The following HMCN1 variants were observed in gnomAD, a reference collection of about 807,000 sequenced individuals.
HMCN1 encodes hemicentin 1.
A neutral mutation model predicts 625.9 loss-of-function variants in HMCN1; 321 were observed. The observed-to-expected ratio is 0.51, with a 90% confidence interval of 0.47 to 0.56. The LOEUF (loss-of-function observed/expected upper bound fraction) is 0.56. Ranked by LOEUF, HMCN1 falls within the 20% of genes least tolerant of loss-of-function variation. HMCN1 has a pLI of 0.00. For synonymous variants in HMCN1, 2,425 were observed against 2,417.6 expected (o/e 1.00, Z -0.09); for missense variants, 6,588 against 6,887.3 (o/e 0.96, Z 1.54).
chr1:186,074,671 A>G (rs1404256428), intron 52 of HMCN1, 70 bp from the exon 53 acceptor site: 32 of 1,360,650 alleles, frequency 2.4e-5, no homozygotes, highest in South Asian at 6.1e-5. Context: ...CACAAAAACT[A>G]TCAACTGCAT....
chr1:186,163,777 C>T (rs1000559526), intron 97 of HMCN1, among the ~76,000 whole-genome samples: 1 of 152,262 alleles, frequency 6.6e-6, no homozygotes, highest in Non-Finnish European at 1.5e-5. Context: ...AAGACTGTCT[C>T]ATACATGGCA....
chr1:186,053,360 G>A (rs111986786), intron 43 of HMCN1, among the ~76,000 whole-genome samples: 6 of 151,854 alleles, frequency 4.0e-5, no homozygotes, highest in South Asian at 2.1e-4. Context: ...TATAAACATC[G>A]AGAATCCGTC....
At chr1:186,135,229 A>G (rs1354711798) in intron 86 of HMCN1, among the ~76,000 whole-genome samples, 1 of 152,210 alleles carries the variant, frequency 6.6e-6, no homozygotes, top group African/African-American at 2.4e-5. Flanking sequence ...ACTTTACTTC[A>G]GCCATTGTCA....
chr1:186,055,362 T>C (rs1657240239), intron 44 of HMCN1, 31 bp from the exon 45 acceptor site: 1 of 1,606,566 alleles, frequency 6.2e-7, no homozygotes, highest in African/African-American at 1.3e-5. Context: ...ATTTCCTCTT[T>C]TGTTTCTTTT....
chr1:186,051,987 G>C (rs957514134), intron 42 of HMCN1, among the ~76,000 whole-genome samples: 3 of 152,000 alleles, frequency 2.0e-5, no homozygotes, highest in Non-Finnish European at 4.4e-5. Context: ...GGGATGGGTA[G>C]ATCAATAACT....
chr1:186,097,705 T>TA (rs1660199297), intron 68 of HMCN1, among the ~76,000 whole-genome samples: 1 of 151,874 alleles, frequency 6.6e-6, no homozygotes, highest in African/African-American at 2.4e-5. Context: ...AAAAAAAATC[T>TA]AAAATTTGTA....
In HMCN1 at chr1:186,142,857, A is replaced by G. The variant is rs561455231; in HGVS notation, c.13925-1316A>G. Among the ~76,000 whole-genome samples, 54 of 152,328 alleles carry G rather than the reference A, an allele frequency of 3.5e-4. No homozygotes were observed. The South Asian group carries it at 0.011, about 31-fold the overall frequency. On this transcript the variant is annotated intron_variant, in intron 89 of 106. Transcript: ENST00000271588. ...CCAATTAAAAATGCATCTATATTAAATGGCATTATATTGTAAGAGGCTGAG... is the reference window on the plus strand; with the variant it reads ...CCAATTAAAAATGCATCTATATTAAGTGGCATTATATTGTAAGAGGCTGAG...
At chr1:186,028,672 C>A (rs1655216375) in intron 36 of HMCN1, among the ~76,000 whole-genome samples, 1 of 151,608 alleles carries the variant, frequency 6.6e-6, no homozygotes, top group Non-Finnish European at 1.5e-5. Context: ...GGCCTTTAGT[C>A]ATTAGCTTTC....
intron 105 of HMCN1, among the ~76,000 whole-genome samples, chr1:186,182,834 A>G (rs925317022): frequency 6.6e-6 from 1 of 152,238 alleles, no homozygotes; most frequent in East Asian, 1.9e-4. Flanking sequence ...TTTACAGTCT[A>G]GTGGAGACAG....
Position 186,169,571 on chromosome 1 carries a change from C to G in HMCN1, c.15575-1766C>G, listed in dbSNP as rs574836373. ...CATCTGATCTTTGACAAACCTGACA[C>G]AAGCAATGGGGAAAGGATTCCCTAT... On this transcript the variant is annotated intron_variant, in intron 100 of 106. Coordinates refer to ENST00000271588, the MANE Select transcript of HMCN1 (RefSeq NM_031935.3). Among the ~76,000 whole-genome samples, 4 of 151,998 alleles carry G rather than the reference C, an allele frequency of 2.6e-5. No homozygotes were observed. The East Asian group carries it at 7.8e-4, about 29-fold the overall frequency.
intron 23 of HMCN1, 34 bp downstream of exon 23, chr1:185,993,343 G>A (rs756369887): frequency 6.2e-7 from 1 of 1,610,274 alleles, no homozygotes; most frequent in Non-Finnish European, 8.5e-7. Context: ...TGACAACCCT[G>A]TGGACTGGCC....
At position 186,112,846 on chromosome 1, in the gene HMCN1, G is replaced by A. The variant is rs768898863; in HGVS notation, c.11024G>A (p.Arg3675Lys). ...CGAGTGCGAATCCTATCTGGAGGGA[G>A]ATACTTGCAAATCAACAATGCTGAC... ...TPRVRILSGG[R>K]YLQINNADLG... The change falls in exon 72 of 107, where the codon AGA (arginine) becomes AAA (lysine). Residue 3675 changes from arginine (R) to lysine (K), a missense_variant. By Grantham distance (26) the Arg-to-Lys change is conservative. Transcript: ENST00000271588. 2.5e-6 allele frequency: 4 copies of A among 1,614,052 alleles called. No individual in the cohort carries two copies. The highest frequency in any genetic ancestry group is 1.7e-5 in the Admixed American group (1 of 60,002).
intron 85 of HMCN1, 68 bp downstream of exon 85, chr1:186,130,765 T>C: frequency 3.0e-6 from 4 of 1,317,842 alleles, no homozygotes; most frequent in Non-Finnish European, 4.4e-6. Flanking sequence ...GTGAGTGCCA[T>C]AGATAAGAAA....
intron 41 of HMCN1, among the ~76,000 whole-genome samples, chr1:186,048,526 C>A (rs1254451288): frequency 2.6e-5 from 4 of 151,844 alleles, no homozygotes; most frequent in South Asian, 2.1e-4. Flanking sequence ...TAATATAAAC[C>A]AGATTAAAAT....
chr1:185,946,846 A>G (rs766281086), intron 11 of HMCN1, among the ~76,000 whole-genome samples: 4 of 152,256 alleles, frequency 2.6e-5, no homozygotes, highest in Non-Finnish European at 4.4e-5. Flanking sequence ...AACCTTTGCC[A>G]TGTATATATA....
intron 1 of HMCN1, among the ~76,000 whole-genome samples, chr1:185,770,389 A>G (rs548390576): frequency 1.3e-5 from 2 of 152,244 alleles, no homozygotes; most frequent in African/African-American, 4.8e-5. Context: ...TAGAAAATAT[A>G]AAGTGTGCTG....
At chr1:185,992,665 T>C (rs1040388991) in intron 22 of HMCN1, among the ~76,000 whole-genome samples, 1 of 152,274 alleles carries the variant, frequency 6.6e-6, no homozygotes, top group East Asian at 1.9e-4. Context: ...GACTTAGCTG[T>C]ATAAGAAATC....
chr1:186,066,285 T>C (rs1480684249), intron 49 of HMCN1, among the ~76,000 whole-genome samples: 1 of 152,026 alleles, frequency 6.6e-6, no homozygotes, highest in African/African-American at 2.4e-5. Flanking sequence ...ATATGTTCAT[T>C]CATTCATTCA....
chr1:186,078,223 G>A lies in HMCN1; in HGVS notation c.8599+3G>A, dbSNP rs1479952524. The stretch of plus-strand genomic sequence containing the variant: ...TCAATATGATGTCCGTGTACTCGGT[G>A]AGTTTTTCTTTTGTTTATTGTTCAT... On this transcript the variant is annotated splice_donor_region_variant and intron_variant, in intron 55 of 106. Coordinates refer to ENST00000271588, the MANE Select transcript of HMCN1 (RefSeq NM_031935.3). 60 of 1,593,320 alleles carry A rather than the reference G, an allele frequency of 3.8e-5. No individual in the cohort carries two copies. The highest frequency in any genetic ancestry group is 4.9e-5 in the Non-Finnish European group (57 of 1,161,892).
Sources: allele counts gnomAD v4.1 joint callset (sites outside exome capture counted in the v4.1 genomes callset), GRCh38; gene constraint gnomAD v4.1.1; transcripts MANE v1.5; gene names NCBI Gene and HGNC (gene_info 2026-07-23, HGNC 2026-07-21).